Variants in DTNBP1 observed in about 807,000 individuals in gnomAD.
The protein encoded by DTNBP1 is dystrobrevin binding protein 1.
In DTNBP1, 35 loss-of-function variants were observed where a neutral mutation model predicts 42.8. The ratio of observed to expected loss-of-function variants is 0.82; its 90% CI spans 0.63 to 1.09. The LOEUF is 1.09. Ranked by LOEUF, DTNBP1 falls within the 50% of genes least tolerant of loss-of-function variation. The probability of loss-of-function intolerance (pLI) is 0.00; values close to 1 mark genes in which losing one functional copy is unlikely to be tolerated. For synonymous variants in DTNBP1, 171 were observed against 162.2 expected, an observed-to-expected ratio of 1.05 and a Z score of -0.41; for missense variants, 457 against 424.2, an observed-to-expected ratio of 1.08 and a Z score of -0.68.
chr6:15,588,060 C>T (rs1776151344), intron 7 of DTNBP1, among the ~76,000 whole-genome samples: 2 of 152,146 alleles, frequency 1.3e-5, no homozygotes, highest in South Asian at 4.1e-4. Flanking sequence ...CAGCATTATT[C>T]AAAATAGGCA....
At chr6:15,648,667 G>C (rs1397808459) in intron 3 of DTNBP1, among the ~76,000 whole-genome samples, 2 of 151,732 alleles carry the variant, frequency 1.3e-5, no homozygotes, top group Admixed American at 1.3e-4. Flanking sequence ...AAAATACTTA[G>C]GAATTAACAA....
intron 1 of DTNBP1, among the ~76,000 whole-genome samples, chr6:15,661,811 G>A (rs942010770): frequency 2.6e-5 from 4 of 152,192 alleles, no homozygotes; most frequent in South Asian, 2.1e-4. Flanking sequence ...TAAGCACTAA[G>A]TAACAATACT....
chr6:15,560,123 G>C (rs938560992), intron 7 of DTNBP1, among the ~76,000 whole-genome samples: 1 of 152,068 alleles, frequency 6.6e-6, no homozygotes, highest in Non-Finnish European at 1.5e-5. Flanking sequence ...CTGGCTAACA[G>C]GGGGAACCCC....
At chr6:15,637,241 C>T (rs1407614040) in intron 4 of DTNBP1, among the ~76,000 whole-genome samples, 1 of 152,158 alleles carries the variant, frequency 6.6e-6, no homozygotes, top group Non-Finnish European at 1.5e-5. Flanking sequence ...ATTTAAATTA[C>T]AAGACACTAG....
intron 7 of DTNBP1, among the ~76,000 whole-genome samples, chr6:15,534,907 A>C (rs550691584): frequency 2.2e-4 from 34 of 152,340 alleles, no homozygotes; most frequent in South Asian, 1.0e-3. Context: ...TTAGTAATAT[A>C]CAAGGCAAGA....
intron 7 of DTNBP1, among the ~76,000 whole-genome samples, chr6:15,538,325 C>T (rs1386282273): frequency 1.3e-5 from 2 of 152,140 alleles, no homozygotes; most frequent in African/African-American, 2.4e-5. Context: ...CATCCTGGGG[C>T]TGAGAGCATC....
intron 7 of DTNBP1, among the ~76,000 whole-genome samples, chr6:15,539,334 G>A (rs140061089): frequency 6.6e-5 from 10 of 152,266 alleles, no homozygotes; most frequent in African/African-American, 1.9e-4. Context: ...ACGTGAAGAC[G>A]GTCTGCCACA....
intron 6 of DTNBP1, among the ~76,000 whole-genome samples, chr6:15,614,746 T>C (rs1051296680): frequency 1.3e-5 from 2 of 152,224 alleles, no homozygotes. Context: ...TTAATCCTTA[T>C]AACAACTCTA....
intron 7 of DTNBP1, among the ~76,000 whole-genome samples, chr6:15,557,528 C>T (rs1316588576): frequency 6.6e-6 from 1 of 152,074 alleles, no homozygotes. Context: ...AGGAATCCTA[C>T]CTTATGGTCA....
intron 6 of DTNBP1, among the ~76,000 whole-genome samples, chr6:15,604,187 C>G (rs1295396653): frequency 6.6e-6 from 1 of 152,228 alleles, no homozygotes; most frequent in Non-Finnish European, 1.5e-5. Context: ...AAAACATTCT[C>G]TCATTTATTT....
Position 15,627,409 on chromosome 6 carries a change from G to C in DTNBP1, c.289C>G (p.Leu97Val), listed in dbSNP as rs754095042. ...WEKKKTSLVE[L>V]QEQLQQLPAL... ...GGGAGCTGCTGGAGCTGCTCTTGCA[G>C]CTCCACGAGGCTTGTCTTTTTCTTC... The change falls in exon 5 of 10, where the codon CTG (leucine) becomes GTG (valine). Residue 97 changes from leucine to valine, a missense_variant. By Grantham distance (32) the Leu-to-Val change is conservative. Transcript: ENST00000344537. 1 of 1,613,866 alleles carries C rather than the reference G, an allele frequency of 6.2e-7. No individual in the cohort carries two copies. Among genetic ancestry groups the C allele is most frequent in the South Asian group, 1.1e-5 (1 of 91,080 alleles).
chr6:15,629,991 G>A lies in DTNBP1; in HGVS notation c.223-2516C>T, dbSNP rs1292223389. On this transcript the variant is annotated intron_variant, in intron 4 of 9. Coordinates refer to ENST00000344537, the MANE Select transcript of DTNBP1 (RefSeq NM_032122.5). ...TTAATGATTAAAAAAAGCTATCTCC[G>A]GAAGTTCAATTTTTCCACCTCGAAG... 3.9e-5 allele frequency among the ~76,000 whole-genome samples: 6 copies of A among 152,108 alleles called. No individual in the cohort carries two copies. In the East Asian group the frequency reaches 5.8e-4, roughly 15 times the overall value.
At chr6:15,620,669 A>G (rs1243944813) in intron 5 of DTNBP1, among the ~76,000 whole-genome samples, 1 of 152,218 alleles carries the variant, frequency 6.6e-6, no homozygotes, top group Non-Finnish European at 1.5e-5. Context: ...TTTCATTTTG[A>G]TTAGTGATAA....
At chr6:15,593,875 C>A (rs1776397618) in intron 6 of DTNBP1, among the ~76,000 whole-genome samples, 3 of 152,050 alleles carry the variant, frequency 2.0e-5, no homozygotes. Context: ...TACTTGCAGT[C>A]CAGGTTTTAC....
chr6:15,599,692 A>T (rs1776651051), intron 6 of DTNBP1, among the ~76,000 whole-genome samples: 1 of 152,196 alleles, frequency 6.6e-6, no homozygotes, highest in Admixed American at 6.5e-5. Context: ...CATAGCCCTG[A>T]AGACATGTCG....
chr6:15,623,882 TCAC>T (rs1759184565), intron 5 of DTNBP1, among the ~76,000 whole-genome samples: 1 of 152,252 alleles, frequency 6.6e-6, no homozygotes, highest in Admixed American at 6.5e-5. Flanking sequence ...AATACTAATA[TCAC>T]CACATTGAAT....
intron 1 of DTNBP1, among the ~76,000 whole-genome samples, chr6:15,658,250 C>T (rs1366947427): frequency 6.6e-6 from 1 of 152,204 alleles, no homozygotes; most frequent in Admixed American, 6.5e-5. Context: ...TTAATAGGAA[C>T]TCTGTAGATA....
intron 7 of DTNBP1, among the ~76,000 whole-genome samples, chr6:15,545,631 C>G (rs1168149774): frequency 6.6e-6 from 1 of 152,128 alleles, no homozygotes; most frequent in Non-Finnish European, 1.5e-5. Context: ...ATAACTTTTA[C>G]ATAACAAAGA....
At chr6:15,628,879 T>C (rs1191623514) in intron 4 of DTNBP1, among the ~76,000 whole-genome samples, 1 of 152,210 alleles carries the variant, frequency 6.6e-6, no homozygotes, top group Non-Finnish European at 1.5e-5. Flanking sequence ...GGAATTCTCA[T>C]TTGAAATAAA....
Sources: allele counts gnomAD v4.1 joint callset (sites outside exome capture counted in the v4.1 genomes callset), GRCh38; gene constraint gnomAD v4.1.1; transcripts MANE v1.5; gene names NCBI Gene and HGNC (gene_info 2026-07-23, HGNC 2026-07-21).